Variants in OSBPL5 observed in about 807,000 individuals in gnomAD.
OSBPL5 encodes oxysterol binding protein like 5.
OSBPL5 carries 71 observed loss-of-function variants against 111.2 expected under a neutral mutation model. The ratio of observed to expected loss-of-function variants is 0.64; its 90% confidence interval spans 0.53 to 0.78. The LOEUF is 0.78. OSBPL5 is among the 30% of genes least tolerant of loss of function. OSBPL5 has a pLI of 0.00. For missense variants in OSBPL5, 1,210 were observed against 1,189.3 expected, an observed-to-expected ratio of 1.02 and a Z score of -0.26; for synonymous variants, 549 against 513.9, an observed-to-expected ratio of 1.07 and a Z score of -0.93.
chr11:3,104,982 C>G lies in OSBPL5; in HGVS notation c.1060-605G>C, dbSNP rs1221894575. 1.3e-5 allele frequency among the ~76,000 whole-genome samples: 2 copies of G among 152,146 alleles called. No homozygotes were observed. Among genetic ancestry groups the G allele is most frequent in the Admixed American group, 6.5e-5 (1 of 15,272 alleles). ...ACCCCTCACTTCCGAAGCCTGTGTG[C>G]CCCTCACGAAGGCCCCCTCATCTCT... On this transcript the variant is annotated intron_variant, in intron 9 of 21. Transcript: ENST00000263650. The surrounding 1 kb of genome is among the most constrained non-coding windows in gnomAD (Gnocchi z 5.0).
chr11:3,164,581 C>T (rs745459107), intron 1 of OSBPL5, among the ~76,000 whole-genome samples: 6 of 152,202 alleles, frequency 3.9e-5, no homozygotes, highest in Admixed American at 6.5e-5. Context: ...ACTCAGGCAC[C>T]TCAACAATCC....
At position 3,146,161 on chromosome 11, in the gene OSBPL5, G is replaced by A. The variant is rs1411779622; in HGVS notation, c.-21-16992C>T. 6.6e-6 allele frequency: 1 copy of A among 152,132 alleles called. No individual in the cohort carries two copies. The highest frequency in any genetic ancestry group is 1.5e-5 in the Non-Finnish European group (1 of 68,058). 9.4% of individuals were successfully genotyped at this position (152,132 alleles called of 1,614,324 possible). A position where few individuals can be genotyped will look rare whatever the true frequency, so the allele number is the denominator to read the frequency against. On this transcript the variant is annotated intron_variant, in intron 1 of 21. Transcript: ENST00000263650. The surrounding 1 kb of genome is among the most constrained non-coding windows in gnomAD (Gnocchi z 7.8). Reference sequence around the variant, plus strand: ...GGGGTACAAAAGAAAAATAAGCCAGGGTCCCGCGGCCCCGTCGGAGCTCTC... The same window carrying A: ...GGGGTACAAAAGAAAAATAAGCCAGAGTCCCGCGGCCCCGTCGGAGCTCTC...
At chr11:3,150,715 G>A (rs1846552836) in intron 1 of OSBPL5, among the ~76,000 whole-genome samples, 1 of 152,186 alleles carries the variant, frequency 6.6e-6, no homozygotes, top group African/African-American at 2.4e-5. Flanking sequence ...GACAGCCTGG[G>A]TGTCCCAGGC....
chr11:3,149,797 T>A (rs984040685), intron 1 of OSBPL5, among the ~76,000 whole-genome samples: 2 of 152,222 alleles, frequency 1.3e-5, no homozygotes, highest in Non-Finnish European at 2.9e-5. Flanking sequence ...AGGCACCACG[T>A]AGCCCGGGGC....
Position 3,142,725 on chromosome 11 carries a change from C to T in OSBPL5, c.-21-13556G>A, listed in dbSNP as rs563546229. Among the ~76,000 whole-genome samples, 9 of 152,214 alleles carry T rather than the reference C, an allele frequency of 5.9e-5. No individual in the cohort carries two copies. In the South Asian group the frequency reaches 1.7e-3, roughly 28 times the overall value. ...TCCCTCTGTCTCCGTGTCCGCGGGG[C>T]CCGGCAGGAAGTCGTGTGCAGGGGT... On this transcript the variant is annotated intron_variant, in intron 1 of 21. Transcript: ENST00000263650. This position sits in a 1 kb window ranked among gnomAD's most constrained non-coding sequence, Gnocchi z 7.1.
intron 1 of OSBPL5, among the ~76,000 whole-genome samples, chr11:3,148,550 G>A (rs1216386870): frequency 6.6e-6 from 1 of 152,256 alleles, no homozygotes; most frequent in Non-Finnish European, 1.5e-5. Flanking sequence ...GAGACGGGGC[G>A]CTGTCTGGAA....
chr11:3,112,646 G>C (rs575896320), intron 7 of OSBPL5, among the ~76,000 whole-genome samples: 2 of 152,162 alleles, frequency 1.3e-5, no homozygotes, highest in African/African-American at 4.8e-5. Context: ...CTCCCTTTCT[G>C]GAGACCTAGG....
chr11:3,157,613 C>T (rs1248950476), intron 1 of OSBPL5, among the ~76,000 whole-genome samples: 1 of 152,260 alleles, frequency 6.6e-6, no homozygotes, highest in Non-Finnish European at 1.5e-5. Context: ...AAGGCCACTT[C>T]CTGCCACCCA....
chr11:3,143,056 G>A (rs75475465), intron 1 of OSBPL5, among the ~76,000 whole-genome samples: 31 of 61,640 alleles, frequency 5.0e-4, no homozygotes, highest in African/African-American at 1.1e-3. Context: ...AGGCAGGTGC[G>A]GAGCGGGGCA....
At chr11:3,122,588 G>A (rs574978087) in intron 3 of OSBPL5, among the ~76,000 whole-genome samples, 160 bp from the exon 4 acceptor site, 6 of 152,152 alleles carry the variant, frequency 3.9e-5, no homozygotes, top group South Asian at 4.1e-4. Flanking sequence ...CAGCACTTCC[G>A]GGGCTGCCAT....
At position 3,162,988 on chromosome 11, in the gene OSBPL5, C is replaced by T. The variant is rs568540584; in HGVS notation, c.-22+2228G>A. On this transcript the variant is annotated intron_variant, in intron 1 of 21. Coordinates refer to ENST00000263650, the MANE Select transcript of OSBPL5 (RefSeq NM_020896.4). The surrounding 1 kb of genome is among the most constrained non-coding windows in gnomAD (Gnocchi z 8.1). ...CTTCTACCCACCTGGCCCTTGGACT[C>T]CACAAGGGGAGCTGCACCTAACGGC... Among the ~76,000 whole-genome samples, 119 of 152,190 alleles carry T rather than the reference C, an allele frequency of 7.8e-4. No homozygotes were observed. Among genetic ancestry groups the T allele is most frequent in the African/African-American group, 2.8e-3 (115 of 41,526 alleles).
At chr11:3,116,961 T>G (rs1858234192) in intron 7 of OSBPL5, among the ~76,000 whole-genome samples, 1 of 152,192 alleles carries the variant, frequency 6.6e-6, no homozygotes, top group Admixed American at 6.5e-5. Flanking sequence ...TTTAAGCTAT[T>G]TACAGCTTTT....
rs141674445 is a variant in OSBPL5 at position 3,126,680 on chromosome 11, C to A, written c.137-125G>T. 95 of 710,402 alleles carry A rather than the reference C, an allele frequency of 1.3e-4. No homozygotes were observed. The highest frequency in any genetic ancestry group is 1.2e-3 in the South Asian group (61 of 51,274). The allele number at this position is 710,402 out of a possible 1,614,324, so 44.0% of individuals were successfully genotyped here. A position where few individuals can be genotyped will look rare whatever the true frequency, so the allele number is the denominator to read the frequency against. The stretch of plus-strand genomic sequence containing the variant: ...GACCTGGGAGGGGCAGGAAGTCAGC[C>A]GGAGGTGGTGGCAGGAACAGGACAC... On this transcript the variant is annotated intron_variant, in intron 2 of 21. Transcript: ENST00000263650. The surrounding 1 kb of genome is among the most constrained non-coding windows in gnomAD (Gnocchi z 6.5).
At chr11:3,119,809 G>A in intron 6 of OSBPL5, 178 bp from the exon 7 acceptor site, 1 of 549,068 alleles carries the variant, frequency 1.8e-6, no homozygotes, top group Admixed American at 3.9e-5. Context: ...AGAGAGGCGG[G>A]TAGGTGGGGG....
chr11:3,128,947 C>T lies in OSBPL5; in HGVS notation c.136+66G>A, dbSNP rs146730053. 332 of 1,374,544 alleles carry T rather than the reference C, an allele frequency of 2.4e-4. 1 individual carries two copies. The East Asian group carries it at 6.0e-3, about 25-fold the overall frequency. 85.1% of individuals were successfully genotyped at this position (1,374,544 alleles called of 1,614,324 possible). A position where few individuals can be genotyped will look rare whatever the true frequency, so the allele number is the denominator to read the frequency against. On this transcript the variant is annotated intron_variant, in intron 2 of 21. Transcript: ENST00000263650. ...CTCAAGGGGCACAGAGGGGTTGGGC[C>T]GCCCGGGGTCACCCCACCGGGCCCA... is the stretch of plus-strand genomic sequence containing the variant.
At position 3,104,386 on chromosome 11, in the gene OSBPL5, G is replaced by A; in HGVS notation, c.1060-9C>T. ...TGGGACGCCTCGCCCAGCTGCAGCA[G>A]ACAGGCTGCAGTCAGGCCCTGCCCG... On this transcript the variant is annotated splice_polypyrimidine_tract_variant and intron_variant, in intron 9 of 21. Coordinates refer to ENST00000263650, the MANE Select transcript of OSBPL5 (RefSeq NM_020896.4). The surrounding 1 kb of genome is among the most constrained non-coding windows in gnomAD (Gnocchi z 5.0). The A allele has an allele frequency of 3.7e-6, 6 of 1,606,700 alleles. No individual in the cohort carries two copies. The highest frequency in any genetic ancestry group is 5.1e-6 in the Non-Finnish European group (6 of 1,179,442).
Position 3,107,311 on chromosome 11 carries a change from C to T in OSBPL5, c.1011G>A (p.Val337=), listed in dbSNP as rs1476788562. The T allele has an allele frequency of 6.2e-7, 1 of 1,613,740 alleles. No homozygotes were observed. Among genetic ancestry groups the T allele is most frequent in the Admixed American group, 1.7e-5 (1 of 60,024 alleles). The stretch of plus-strand genomic sequence containing the variant: ...GCTCCACATAGGTGGTCCCTCTCCG[C>T]ACCGGGGCCCCAGGGGTCTCTGACT... ...SDQSETPGAP[V]RRGTTYVEQV... The change falls in exon 9 of 22, where the codon GTG becomes GTA. Residue 337 remains valine, a synonymous_variant. Coordinates refer to ENST00000263650, the MANE Select transcript of OSBPL5 (RefSeq NM_020896.4). The surrounding 1 kb of genome is among the most constrained non-coding windows in gnomAD (Gnocchi z 6.1).
intron 14 of OSBPL5, among the ~76,000 whole-genome samples, chr11:3,097,299 A>T (rs1857307991): frequency 6.6e-6 from 1 of 152,088 alleles, no homozygotes; most frequent in Admixed American, 6.5e-5. Flanking sequence ...GCACTCTCAC[A>T]TGGCTACACC....
In OSBPL5 at chr11:3,133,862, C is replaced by T. The variant is rs557039025; in HGVS notation, c.-21-4693G>A. Reference sequence around the variant, plus strand: ...TGGGCAATTCCAGTCTGAAAGGTCACGTTTCTGCCTGGTGGGGCCCCAGCC... The same window carrying T: ...TGGGCAATTCCAGTCTGAAAGGTCATGTTTCTGCCTGGTGGGGCCCCAGCC... On this transcript the variant is annotated intron_variant, in intron 1 of 21. Transcript: ENST00000263650. 5.7e-4 allele frequency among the ~76,000 whole-genome samples: 87 copies of T among 152,320 alleles called. No individual in the cohort carries two copies. The Middle Eastern group carries it at 0.01, about 18-fold the overall frequency.
Sources: allele counts gnomAD v4.1 joint callset (sites outside exome capture counted in the v4.1 genomes callset), GRCh38; gene constraint gnomAD v4.1.1; non-coding constraint Gnocchi (gnomAD v3.1); transcripts MANE v1.5; gene names NCBI Gene and HGNC (gene_info 2026-07-23, HGNC 2026-07-21).